PYM1: variants seen among roughly 807,000 people sequenced by gnomAD.
The protein encoded by PYM1 is PYM1 exon junction complex associated factor, also known as partner of Y14 and mago.
PYM1 carries 7 observed loss-of-function variants against 20.7 expected under a neutral mutation model. The ratio of observed to expected loss-of-function variants is 0.34; its 90% CI spans 0.19 to 0.64. PYM1 has a LOEUF of 0.64. Ranked by LOEUF, PYM1 falls within the 30% of genes least tolerant of loss-of-function variation. The pLI is 0.74. For synonymous variants in PYM1, 100 were observed against 99.2 expected (o/e 1.01, Z -0.05); for missense variants, 194 against 250.0 (o/e 0.78, Z 1.51).
At chr12:55,907,463 C>CA (rs770960966) in intron 1 of PYM1, among the ~76,000 whole-genome samples, 1,001 of 51,942 alleles carry the variant, frequency 0.019, 5 homozygotes, top group South Asian at 0.025. Flanking sequence ...TACATAAATA[C>CA]AAAAAAAAAA....
At chr12:55,911,172 C>T (rs529838849) in intron 1 of PYM1, among the ~76,000 whole-genome samples, 5 of 151,874 alleles carry the variant, frequency 3.3e-5, no homozygotes, top group Non-Finnish European at 7.4e-5. Context: ...GCAGTGGCAC[C>T]ATCTCTGCTC....
intron 1 of PYM1, among the ~76,000 whole-genome samples, chr12:55,907,627 C>T (rs1245100113): frequency 9.6e-6 from 1 of 104,438 alleles, no homozygotes; most frequent in African/African-American, 4.0e-5. Flanking sequence ...AGCGAGACTT[C>T]GTCTGGGAAA....
intron 1 of PYM1, among the ~76,000 whole-genome samples, chr12:55,909,464 G>A (rs1230356702): frequency 6.6e-6 from 1 of 152,102 alleles, no homozygotes; most frequent in Non-Finnish European, 1.5e-5. Context: ...ACAAATATTT[G>A]TCAAATGAAT....
At chr12:55,918,182 C>T (rs886371806) in intron 1 of PYM1, among the ~76,000 whole-genome samples, 2 of 151,432 alleles carry the variant, frequency 1.3e-5, no homozygotes, top group Non-Finnish European at 1.5e-5. Context: ...ACTGCAAGCT[C>T]CGCCTCCCGG....
intron 1 of PYM1, among the ~76,000 whole-genome samples, chr12:55,923,902 C>A (rs556582212): frequency 1.3e-4 from 19 of 151,932 alleles, no homozygotes; most frequent in African/African-American, 3.6e-4. Flanking sequence ...ATGATGAAAC[C>A]CTGTCTCTAC....
chr12:55,908,007 G>A (rs932254171), intron 1 of PYM1, among the ~76,000 whole-genome samples: 6 of 148,996 alleles, frequency 4.0e-5, no homozygotes, highest in African/African-American at 1.5e-4. Context: ...ACTTTGGGAG[G>A]CTGAGGTGGG....
At chr12:55,905,917 AT>A (rs1882800916) in intron 1 of PYM1, among the ~76,000 whole-genome samples, 1 of 116,056 alleles carries the variant, frequency 8.6e-6, no homozygotes, top group African/African-American at 3.6e-5. Flanking sequence ...AGATATATAT[AT>A]TATTATATAT....
chr12:55,907,571 T>C (rs1592636020), intron 1 of PYM1, among the ~76,000 whole-genome samples: 1 of 148,944 alleles, frequency 6.7e-6, no homozygotes, highest in South Asian at 2.1e-4. Context: ...GGGTTGGAGG[T>C]TGCAGTAAGC....
intron 1 of PYM1, chr12:55,927,397 AG>A: frequency 1.4e-6 from 1 of 714,250 alleles, no homozygotes; most frequent in Non-Finnish European, 2.5e-6. Context: ...TCTCATCCCC[AG>A]GAACTCCTCG....
chr12:55,919,347 T>A (rs1273122169), intron 1 of PYM1, among the ~76,000 whole-genome samples: 2 of 151,854 alleles, frequency 1.3e-5, no homozygotes, highest in Non-Finnish European at 2.9e-5. Context: ...AGAGACGAGG[T>A]TTTGCCATGT....
At chr12:55,903,328 A>G in intron 2 of PYM1, 59 bp downstream of exon 2, 4 of 1,488,314 alleles carry the variant, frequency 2.7e-6, no homozygotes, top group Middle Eastern at 1.7e-4. Context: ...GCATAAGGAT[A>G]TTCTATCCTT....
At chr12:55,919,030 G>A (rs1051275122) in intron 1 of PYM1, among the ~76,000 whole-genome samples, 13 of 152,004 alleles carry the variant, frequency 8.6e-5, no homozygotes, top group Admixed American at 4.6e-4. Context: ...AAGATTTTGC[G>A]TTTGTTTTTT....
intron 1 of PYM1, chr12:55,913,977 T>A: frequency 4.1e-6 from 1 of 242,258 alleles, no homozygotes; most frequent in Non-Finnish European, 7.9e-6. Context: ...CAACTATTTA[T>A]AATTATCACT....
intron 1 of PYM1, among the ~76,000 whole-genome samples, chr12:55,926,695 T>C (rs1179123164): frequency 2.0e-5 from 3 of 151,434 alleles, no homozygotes; most frequent in African/African-American, 7.3e-5. Context: ...AGAAACCAAG[T>C]ATAGCTGAGA....
At chr12:55,910,472 T>C (rs1211659424) in intron 1 of PYM1, among the ~76,000 whole-genome samples, 1 of 151,962 alleles carries the variant, frequency 6.6e-6, no homozygotes, top group Non-Finnish European at 1.5e-5. Context: ...TGACACAGTC[T>C]AACCCTGTTG....
At position 55,902,147 on chromosome 12, in the gene PYM1, CAAG is replaced by C; in HGVS notation, c.337_339del (p.Leu113del). ...GCTGTCTCTTCCAGGGACACCTTAT[CAAG>C]AGTCCTGCTCAAGGCCTCTGCCTCT... On this transcript the variant is annotated inframe_deletion, in exon 3 of 3. Transcript: ENST00000408946. The C allele has an allele frequency of 6.2e-7, 1 of 1,614,134 alleles. No individual in the cohort carries two copies. The highest frequency in any genetic ancestry group is 8.5e-7 in the Non-Finnish European group (1 of 1,180,018).
Position 55,902,179 on chromosome 12 carries a change from T to C in PYM1, c.308A>G (p.Lys103Arg). 1 of 1,614,146 alleles carries C rather than the reference T, an allele frequency of 6.2e-7. No homozygotes were observed. The highest frequency in any genetic ancestry group is 8.5e-7 in the Non-Finnish European group (1 of 1,180,036). The change falls in exon 3 of 3, where the codon AAA (lysine) becomes AGA (arginine). Residue 103 changes from lysine to arginine, a missense_variant. By Grantham distance (26) the Lys-to-Arg change is conservative. This residue lies in a region of PYM1 where 158 missense variants were observed against 179.0 expected (regional missense o/e 0.88). Transcript: ENST00000408946. ...CCTGCTCAAGGCCTCTGCCTCTCCT[T>C]TCTCTTGCTGCTGCCGCCTCTTCTC... ...RKEKRRQQQE[K>R]GEAEALSRTL... is the part of the protein sequence containing the mutation.
chr12:55,926,668 C>A (rs1883192978), intron 1 of PYM1, among the ~76,000 whole-genome samples: 1 of 151,804 alleles, frequency 6.6e-6, no homozygotes, highest in South Asian at 2.1e-4. Context: ...ATAATGAAAA[C>A]GGGACTGGGG....
At chr12:55,924,054 C>G (rs1266974267) in intron 1 of PYM1, among the ~76,000 whole-genome samples, 1 of 148,312 alleles carries the variant, frequency 6.7e-6, no homozygotes, top group Non-Finnish European at 1.5e-5. Context: ...CCAGCCTGGG[C>G]GACAGAGTGA....
Sources: allele counts gnomAD v4.1 joint callset (sites outside exome capture counted in the v4.1 genomes callset), GRCh38; gene constraint gnomAD v4.1.1; regional missense constraint gnomAD v4.1.1; transcripts MANE v1.5; gene names NCBI Gene and HGNC (gene_info 2026-07-23, HGNC 2026-07-21).